The following NRG3 variants were observed in gnomAD, a reference collection of about 807,000 sequenced individuals.
NRG3 encodes neuregulin 3, also known as pro-neuregulin-3, membrane-bound isoform.
NRG3 carries 31 observed loss-of-function variants against 66.9 expected under a neutral mutation model. That is an observed-to-expected ratio of 0.46 (90% confidence interval 0.35 to 0.63). NRG3 has a LOEUF of 0.63. Among genes scored for constraint, NRG3 ranks in the 20% least tolerant of loss-of-function variants. The pLI is 0.00. For missense variants in NRG3, 910 were observed against 878.9 expected (o/e 1.04, Z -0.45); for synonymous variants, 393 against 359.4 (o/e 1.09, Z -1.06).
At position 82,092,395 on chromosome 10, in the gene NRG3, C is replaced by T. The variant is rs116570404; in HGVS notation, c.823+216232C>T. On this transcript the variant is annotated intron_variant, in intron 1 of 8. Coordinates refer to ENST00000372141, the MANE Select transcript of NRG3 (RefSeq NM_001010848.4). Reference sequence around the variant, plus strand: ...CCTCAACTGAACCCACACACACACACGCACACACACATGCACATGCACATT... The same window carrying T: ...CCTCAACTGAACCCACACACACACATGCACACACACATGCACATGCACATT... Among the ~76,000 whole-genome samples the T allele has an allele frequency of 2.1e-3, 313 of 152,104 alleles. 1 individual carries two copies. The highest frequency in any genetic ancestry group is 7.0e-3 in the African/African-American group (289 of 41,474).
chr10:82,341,968 G>T (rs562644680), intron 1 of NRG3, among the ~76,000 whole-genome samples: 2 of 151,976 alleles, frequency 1.3e-5, no homozygotes, highest in African/African-American at 2.4e-5. Context: ...ATGGTGTTTT[G>T]GTTACTAAGC....
intron 2 of NRG3, among the ~76,000 whole-genome samples, chr10:82,653,212 G>C (rs2133904895): frequency 6.6e-6 from 1 of 152,302 alleles, no homozygotes; most frequent in East Asian, 1.9e-4. Context: ...ATAATTAAGA[G>C]TGCTGAATGA....
At chr10:82,296,114 TG>T (rs2080044584) in intron 1 of NRG3, among the ~76,000 whole-genome samples, 1 of 152,138 alleles carries the variant, frequency 6.6e-6, no homozygotes, top group Non-Finnish European at 1.5e-5. Flanking sequence ...GGTAAAAGGT[TG>T]GGCATGAGCA....
chr10:82,301,871 A>G (rs1418562156), intron 1 of NRG3, among the ~76,000 whole-genome samples: 1 of 151,754 alleles, frequency 6.6e-6, no homozygotes, highest in Non-Finnish European at 1.5e-5. Context: ...TAAGCTATTG[A>G]TCATCACATC....
intron 3 of NRG3, among the ~76,000 whole-genome samples, chr10:82,753,387 G>A (rs1565277756): frequency 1.3e-5 from 2 of 151,896 alleles, no homozygotes; most frequent in Admixed American, 6.6e-5. Flanking sequence ...TTATTTAAGG[G>A]AAATGAGGCC....
At chr10:82,546,612 A>G (rs1361509583) in intron 2 of NRG3, among the ~76,000 whole-genome samples, 1 of 152,234 alleles carries the variant, frequency 6.6e-6, no homozygotes, top group Non-Finnish European at 1.5e-5. Flanking sequence ...TCCTAAAGTT[A>G]GAAATACGTG....
intron 3 of NRG3, among the ~76,000 whole-genome samples, chr10:82,843,846 A>G (rs1051386555): frequency 1.3e-5 from 2 of 152,224 alleles, no homozygotes; most frequent in Admixed American, 6.5e-5. Context: ...AAAATGAGAC[A>G]TTAAGTAATG....
intron 3 of NRG3, among the ~76,000 whole-genome samples, chr10:82,831,904 C>A (rs546184662): frequency 6.6e-6 from 1 of 152,028 alleles, no homozygotes; most frequent in African/African-American, 2.4e-5. Context: ...ATGCACCCAC[C>A]CCCCCAACTA....
At chr10:82,971,644 C>A (rs1480592310) in intron 6 of NRG3, among the ~76,000 whole-genome samples, 1 of 151,954 alleles carries the variant, frequency 6.6e-6, no homozygotes, top group African/African-American at 2.4e-5. Context: ...ACCATGTTTG[C>A]CAGGCTGGTC....
At chr10:82,181,464 A>G (rs1415111930) in intron 1 of NRG3, among the ~76,000 whole-genome samples, 1 of 151,584 alleles carries the variant, frequency 6.6e-6, no homozygotes, top group Non-Finnish European at 1.5e-5. Flanking sequence ...GCTGTGACTT[A>G]TTTTCATTTG....
intron 2 of NRG3, among the ~76,000 whole-genome samples, chr10:82,392,166 G>A (rs2086417651): frequency 6.6e-6 from 1 of 152,136 alleles, no homozygotes; most frequent in South Asian, 2.1e-4. Flanking sequence ...CTGAGAATAA[G>A]AGATGGCAGC....
intron 2 of NRG3, among the ~76,000 whole-genome samples, chr10:82,679,721 A>G (rs1351821167): frequency 6.6e-6 from 1 of 152,204 alleles, no homozygotes; most frequent in Admixed American, 6.5e-5. Context: ...ACTCTATGAG[A>G]TAAACACCAT....
chr10:82,240,172 C>CT (rs2076945967), intron 1 of NRG3, among the ~76,000 whole-genome samples: 1 of 151,856 alleles, frequency 6.6e-6, no homozygotes, highest in Non-Finnish European at 1.5e-5. Flanking sequence ...AAAAATAACT[C>CT]TTTTTCCCCC....
intron 1 of NRG3, among the ~76,000 whole-genome samples, chr10:82,301,157 T>A (rs1389416630): frequency 1.3e-5 from 2 of 152,228 alleles, no homozygotes. Context: ...AAATAAAAGT[T>A]TTGTTATGTC....
At chr10:82,757,873 T>A (rs569909738) in intron 3 of NRG3, among the ~76,000 whole-genome samples, 16 of 152,112 alleles carry the variant, frequency 1.1e-4, no homozygotes, top group Non-Finnish European at 1.8e-4. Flanking sequence ...TAGTTCTAGA[T>A]GTATTTATAT....
chr10:82,624,914 T>C (rs2049307793), intron 2 of NRG3, among the ~76,000 whole-genome samples: 1 of 146,950 alleles, frequency 6.8e-6, no homozygotes, highest in East Asian at 2.0e-4. Context: ...TATATATATA[T>C]ATTTTATATA....
In NRG3 at chr10:82,908,921, G is replaced by A. The variant is rs75508896; in HGVS notation, c.1055-42548G>A. Among the ~76,000 whole-genome samples the A allele has an allele frequency of 3.9e-3, 535 of 135,914 alleles. 5 individuals are homozygous for A. Among genetic ancestry groups the A allele is most frequent in the South Asian group, 0.017 (60 of 3,566 alleles). 89.2% of individuals were successfully genotyped at this position (135,914 alleles called of 152,430 possible). A position where few individuals can be genotyped will look rare whatever the true frequency, so the allele number is the denominator to read the frequency against. On this transcript the variant is annotated intron_variant, in intron 4 of 8. Coordinates refer to ENST00000372141, the MANE Select transcript of NRG3 (RefSeq NM_001010848.4). The stretch of plus-strand genomic sequence containing the variant: ...AGTGAGTAGACACCACGCCCTCAGC[G>A]ACTGGAGCTGTGGCAGTCAGGAGGG...
intron 1 of NRG3, among the ~76,000 whole-genome samples, chr10:82,195,352 C>T (rs1283750783): frequency 6.6e-6 from 1 of 152,144 alleles, no homozygotes; most frequent in Non-Finnish European, 1.5e-5. Flanking sequence ...ATGAAATAAA[C>T]ATACAAATAA....
chr10:82,118,898 T>C (rs1369587588), intron 1 of NRG3, among the ~76,000 whole-genome samples: 1 of 152,174 alleles, frequency 6.6e-6, no homozygotes, highest in Admixed American at 6.6e-5. Context: ...CTATAGTTGG[T>C]CCTTCAAACA....
Sources: allele counts gnomAD v4.1 joint callset (sites outside exome capture counted in the v4.1 genomes callset), GRCh38; gene constraint gnomAD v4.1.1; transcripts MANE v1.5; gene names NCBI Gene and HGNC (gene_info 2026-07-23, HGNC 2026-07-21).